Variants in CACNA1B observed in about 807,000 individuals in gnomAD.
CACNA1B encodes calcium voltage-gated channel subunit alpha1 B.
CACNA1B carries 70 observed loss-of-function variants against 247.2 expected under a neutral mutation model. The ratio of observed to expected loss-of-function variants is 0.28; its 90% CI spans 0.23 to 0.35. CACNA1B has a LOEUF of 0.35. CACNA1B is among the 10% of genes least tolerant of loss of function. The probability of loss-of-function intolerance (pLI) is 1.00; values close to 1 mark genes in which losing one functional copy is unlikely to be tolerated. For synonymous variants in CACNA1B, 1,231 were observed against 1,294.4 expected, an observed-to-expected ratio of 0.95 and a Z score of 1.05; for missense variants, 2,367 against 3,197.4, an observed-to-expected ratio of 0.74 and a Z score of 6.26.
intron 37 of CACNA1B, among the ~76,000 whole-genome samples, chr9:138,097,775 A>G (rs1961104313): frequency 6.6e-6 from 1 of 152,152 alleles, no homozygotes; most frequent in Admixed American, 6.5e-5. Flanking sequence ...CAGACCCCTC[A>G]TGGTGAGGTC....
chr9:137,933,695 A>G (rs948381814), intron 6 of CACNA1B, among the ~76,000 whole-genome samples: 1 of 152,228 alleles, frequency 6.6e-6, no homozygotes, highest in Non-Finnish European at 1.5e-5. Context: ...ATGATGATGG[A>G]GATAAACAAA....
At chr9:137,912,251 T>G (rs1957367210) in intron 3 of CACNA1B, among the ~76,000 whole-genome samples, 2 of 152,204 alleles carry the variant, frequency 1.3e-5, no homozygotes. Flanking sequence ...GGAATGAGCC[T>G]TGGGGCACCC....
Position 138,118,071 on chromosome 9 carries a change from C to A in CACNA1B, c.5903C>A (p.Ser1968Ter). ...GHSTEIPVGRSGALAVDVQMQ... is the reference protein window; with the variant it reads ...GHSTEIPVGR ...TCCACAGAGATCCCTGTGGGGCGGT[C>A]AGGAGCACTGGTGAGCACTCCCGGG... Residue 1968 changes from serine to a stop codon, truncating the protein, a stop_gained, in exon 43 of 47, where the codon TCA (serine) becomes TAA (stop). Coordinates refer to ENST00000371372, the MANE Select transcript of CACNA1B (RefSeq NM_000718.4). LOFTEE classifies it high-confidence loss of function. The A allele has an allele frequency of 1.3e-6, 2 of 1,567,850 alleles. No individual in the cohort carries two copies. The highest frequency in any genetic ancestry group is 2.4e-5 in the South Asian group (2 of 84,800).
intron 23 of CACNA1B, among the ~76,000 whole-genome samples, chr9:138,048,646 G>A (rs996690198): frequency 6.6e-6 from 1 of 152,220 alleles, no homozygotes. Flanking sequence ...CTTCCATGGG[G>A]ACCTAGAGCT....
At position 138,024,968 on chromosome 9, in the gene CACNA1B, G is replaced by A; in HGVS notation, c.3082G>A (p.Asp1028Asn). Reference protein sequence around the residue: ...RNHQPREPHCDLETSGTVTVG... With the variant: ...RNHQPREPHCNLETSGTVTVG... ...TCTTGATTGCAGGGAGCCACACTGT[G>A]ACCTGGAGACCAGTGGGACTGTGAC... The change falls in exon 20 of 47, where the codon GAC becomes AAC. Residue 1028 changes from aspartate (D) to asparagine (N), a missense_variant. Physicochemically the swap from Asp to Asn is conservative, Grantham distance 23 (BLOSUM62 1). Transcript: ENST00000371372. 2 of 1,579,064 alleles carry A rather than the reference G, an allele frequency of 1.3e-6. No homozygotes were observed. The highest frequency in any genetic ancestry group is 1.7e-6 in the Non-Finnish European group (2 of 1,162,316).
rs960900035 is a variant in CACNA1B, at chr9:137,984,488, T to C, written c.1769+238T>C. Reference sequence around the variant, plus strand: ...ACACCCTTTAGCTTTCTTGTTCACTTGCTTTCCACGATTTCCCATCGTCTC... The same window carrying C: ...ACACCCTTTAGCTTTCTTGTTCACTCGCTTTCCACGATTTCCCATCGTCTC... On this transcript the variant is annotated intron_variant, in intron 13 of 46. Coordinates refer to ENST00000371372, the MANE Select transcript of CACNA1B (RefSeq NM_000718.4). Among the ~76,000 whole-genome samples the C allele has an allele frequency of 2.0e-5, 3 of 152,384 alleles. No homozygotes were observed. The East Asian group carries it at 5.8e-4, about 29-fold the overall frequency.
At chr9:138,038,936 G>A (rs1249882077) in intron 20 of CACNA1B, among the ~76,000 whole-genome samples, 2 of 152,178 alleles carry the variant, frequency 1.3e-5, no homozygotes, top group Non-Finnish European at 2.9e-5. Flanking sequence ...TGTAATCCCA[G>A]CACTTTGGGA....
At chr9:138,070,831 G>C (rs1336168546) in intron 32 of CACNA1B, among the ~76,000 whole-genome samples, 1 of 152,206 alleles carries the variant, frequency 6.6e-6, no homozygotes, top group South Asian at 2.1e-4. Flanking sequence ...GCACATGCAT[G>C]TCTCTTTCCC....
chr9:137,884,977 C>T (rs1197918416), intron 3 of CACNA1B, among the ~76,000 whole-genome samples: 2 of 136,296 alleles, frequency 1.5e-5, no homozygotes, highest in African/African-American at 5.6e-5. Flanking sequence ...CCTCCTCCCA[C>T]TTTGCCTGTC....
Position 137,917,264 on chromosome 9 carries a change from C to G in CACNA1B, c.799C>G (p.Pro267Ala). ...STDAEPVGDFPCGKEAPARLC... is the reference protein window; with the variant it reads ...STDAEPVGDFACGKEAPARLC... ...AGATGCGGAGCCCGTGGGTGACTTC[C>G]CCTGTGGCAAGGAGGCCCCAGCCCG... Residue 267 changes from proline to alanine, a missense_variant, in exon 6 of 47, where the codon CCC becomes GCC. This residue lies in a region of CACNA1B where 130 missense variants were observed against 338.7 expected (regional missense o/e 0.38). Coordinates refer to ENST00000371372, the MANE Select transcript of CACNA1B (RefSeq NM_000718.4). The surrounding 1 kb of genome is among the most constrained non-coding windows in gnomAD (Gnocchi z 5.5). The G allele has an allele frequency of 1.2e-6, 2 of 1,613,504 alleles. No homozygotes were observed. Among genetic ancestry groups the G allele is most frequent in the Non-Finnish European group, 1.7e-6 (2 of 1,179,630 alleles).
rs201904272 is a variant in CACNA1B, at chr9:138,120,206, G to A, written c.6072G>A (p.Thr2024=). 4.2e-4 allele frequency: 675 copies of A among 1,608,494 alleles called. No homozygotes were observed. The African/African-American group carries it at 4.8e-3, about 11-fold the overall frequency. Residue 2024 remains threonine, a synonymous_variant, in exon 45 of 47, where the codon ACG becomes ACA. Transcript: ENST00000371372. ...DASPMKRSIS[T]LAQRPRGTHL... is the part of the protein sequence containing the mutation. The stretch of plus-strand genomic sequence containing the variant: ...GCCCCATGAAGCGCTCCATCTCCAC[G>A]CTGGCCCAGCGGCCCCGTGGGACTC...
chr9:137,981,927 A>G (rs148242299), intron 12 of CACNA1B, among the ~76,000 whole-genome samples: 1 of 152,296 alleles, frequency 6.6e-6, no homozygotes, highest in East Asian at 1.9e-4. Context: ...CCAAAATTCT[A>G]TGAACTGTGT....
Position 138,059,622 on chromosome 9 carries a change from C to G in CACNA1B, c.4585-32C>G, listed in dbSNP as rs200225306. On this transcript the variant is annotated intron_variant, in intron 30 of 46. Transcript: ENST00000371372. The surrounding 1 kb of genome is among the most constrained non-coding windows in gnomAD (Gnocchi z 4.2). ...CTTTGCCAACAGAGCCCTCATCAGC[C>G]GCTGGCACTAACTGCTCTTCTTTTT... 3 of 1,290,560 alleles carry G rather than the reference C, an allele frequency of 2.3e-6. No individual in the cohort carries two copies. The highest frequency in any genetic ancestry group is 1.8e-4 in the Middle Eastern group (1 of 5,500). 79.9% of individuals were successfully genotyped at this position (1,290,560 alleles called of 1,614,324 possible). A position where few individuals can be genotyped will look rare whatever the true frequency, so the allele number is the denominator to read the frequency against.
intron 20 of CACNA1B, among the ~76,000 whole-genome samples, chr9:138,027,096 C>T (rs928849140): frequency 6.6e-6 from 1 of 152,046 alleles, no homozygotes. Flanking sequence ...AATCTTTTAC[C>T]CACTTTTTAT....
At position 138,118,034 on chromosome 9, in the gene CACNA1B, G is replaced by A. The variant is rs779153602; in HGVS notation, c.5866G>A (p.Glu1956Lys). Residue 1956 changes from glutamate (E) to lysine (K), a missense_variant, in exon 43 of 47, where the codon GAG becomes AAG. Coordinates refer to ENST00000371372, the MANE Select transcript of CACNA1B (RefSeq NM_000718.4). The part of the protein sequence containing the change: ...DAPHEARPPL[E>K]RGHSTEIPVG... The stretch of plus-strand genomic sequence containing the variant: ...ACCCCATGAGGCCAGGCCACCCCTG[G>A]AGCGTGGCCACTCCACAGAGATCCC... The A allele has an allele frequency of 6.3e-7, 1 of 1,599,316 alleles. No individual in the cohort carries two copies. Among genetic ancestry groups the A allele is most frequent in the Admixed American group, 1.7e-5 (1 of 58,638 alleles).
chr9:137,946,775 A>G (rs1412219969), intron 6 of CACNA1B, among the ~76,000 whole-genome samples: 1 of 152,172 alleles, frequency 6.6e-6, no homozygotes, highest in African/African-American at 2.4e-5. Flanking sequence ...GGAAAGAGAG[A>G]CAGAAAATGC....
chr9:138,120,803 GC>G lies in CACNA1B; in HGVS notation c.6416del (p.Pro2139ArgfsTer30). The stretch of plus-strand genomic sequence containing the variant: ...CCTGCGACCGCTTTGGGGGCCGTGA[GC>G]CCCCGAAGCCCAAGCCCTCCCTCAG... ...YSCDRFGGRE[P>X]PKPKPSLSSH... On this transcript the variant is annotated frameshift_variant, in exon 46 of 47. Coordinates refer to ENST00000371372, the MANE Select transcript of CACNA1B (RefSeq NM_000718.4). LOFTEE classifies it high-confidence loss of function. 1 of 1,558,358 alleles carries G rather than the reference GC, an allele frequency of 6.4e-7. No individual in the cohort carries two copies. Among genetic ancestry groups the G allele is most frequent in the Non-Finnish European group, 8.7e-7 (1 of 1,151,730 alleles).
rs1957457152 is a variant in CACNA1B, at chr9:137,919,833, A to G, written c.966+2402A>G. Among the ~76,000 whole-genome samples, 1 of 152,162 alleles carries G rather than the reference A, an allele frequency of 6.6e-6. No homozygotes were observed. Among genetic ancestry groups the G allele is most frequent in the Non-Finnish European group, 1.5e-5 (1 of 68,034 alleles). On this transcript the variant is annotated intron_variant, in intron 6 of 46. Coordinates refer to ENST00000371372, the MANE Select transcript of CACNA1B (RefSeq NM_000718.4). The surrounding 1 kb of genome is among the most constrained non-coding windows in gnomAD (Gnocchi z 4.6). Reference sequence around the variant, plus strand: ...AGTGGATTGCTGAAAAGCTGGTGGCAGCGGGTGGGGCAGCGTGGGGGCACT... The same window carrying G: ...AGTGGATTGCTGAAAAGCTGGTGGCGGCGGGTGGGGCAGCGTGGGGGCACT...
In CACNA1B at chr9:138,121,943, T is replaced by C; in HGVS notation, c.6964T>C (p.Ser2322Pro). ...TTACCACTGCACCCTGGGACTCAGC[T>C]CGGGTGGCCGAGCACGGCACAGCTA... Reference protein sequence around the residue: ...NGYHCTLGLSSGGRARHSYHH... With the variant: ...NGYHCTLGLSPGGRARHSYHH... Residue 2322 changes from serine to proline, a missense_variant, in exon 47 of 47, where the codon TCG becomes CCG. Around this residue, in one of 12 missense-constraint regions of CACNA1B, gnomAD observed 773 missense variants for 779.4 expected, o/e 0.99. Transcript: ENST00000371372. The surrounding 1 kb of genome is among the most constrained non-coding windows in gnomAD (Gnocchi z 6.8). 1 of 1,606,626 alleles carries C rather than the reference T, an allele frequency of 6.2e-7. No individual in the cohort carries two copies. The highest frequency in any genetic ancestry group is 8.5e-7 in the Non-Finnish European group (1 of 1,179,784).
Sources: gnomAD v4.1 joint callset for allele counts (sites outside exome capture counted in the v4.1 genomes callset) on GRCh38, gnomAD v4.1.1 for gene constraint, gnomAD v4.1.1 regional missense constraint, Gnocchi (gnomAD v3.1) non-coding constraint, MANE v1.5 for transcripts, NCBI Gene and HGNC (gene_info 2026-07-23, HGNC 2026-07-21) for gene names.